Variants in SEMA3A observed in about 807,000 individuals in gnomAD.
SEMA3A encodes semaphorin-3A.
In SEMA3A, 29 loss-of-function variants were observed where a neutral mutation model predicts 97.9. The observed-to-expected ratio is 0.30, with a 90% CI of 0.22 to 0.40. The LOEUF (loss-of-function observed/expected upper bound fraction) is 0.40. Among genes scored for constraint, SEMA3A ranks in the 10% least tolerant of loss-of-function variants. The probability of loss-of-function intolerance (pLI) is 1.00; values close to 1 mark genes in which losing one functional copy is unlikely to be tolerated. For missense variants in SEMA3A, 763 were observed against 951.3 expected (o/e 0.80, Z 2.60); for synonymous variants, 321 against 323.7 (o/e 0.99, Z 0.09).
chr7:84,193,932 A>G (rs13231088), intron 1 of SEMA3A, among the ~76,000 whole-genome samples: 9,561 of 152,170 alleles, frequency 0.063, 347 homozygotes, highest in African/African-American at 0.092. Flanking sequence ...GCACTGTGGA[A>G]AAACTAGTCT....
chr7:84,089,473 A>G (rs1583946827), intron 4 of SEMA3A, among the ~76,000 whole-genome samples: 1 of 151,782 alleles, frequency 6.6e-6, no homozygotes, highest in East Asian at 1.9e-4. Context: ...AAGGAGTGTT[A>G]AAATTATTGA....
chr7:83,983,344 T>A (rs561106456), intron 13 of SEMA3A, among the ~76,000 whole-genome samples: 2 of 152,086 alleles, frequency 1.3e-5, no homozygotes, highest in Non-Finnish European at 2.9e-5. Context: ...TGTCAATCCA[T>A]ACATTGTGTT....
Position 84,258,838 on chromosome 7 carries a change from A to G in SEMA3A, c.-83+48369T>C, listed in dbSNP as rs567544715. 5.3e-5 allele frequency among the ~76,000 whole-genome samples: 8 copies of G among 152,216 alleles called. No homozygotes were observed. In the South Asian group the frequency reaches 1.7e-3, roughly 32 times the overall value. ...AAAACCTCATTCTTCTTTTTAAGGT[A>G]CTGCTATAGGAAACTTGTCTTATTC... On this transcript the variant is annotated intron_variant, in intron 3 of 3. Coordinates refer to the SEMA3A transcript ENST00000424555.
intron 6 of SEMA3A, among the ~76,000 whole-genome samples, chr7:84,018,848 C>A (rs1017728345): frequency 2.0e-5 from 3 of 152,098 alleles, no homozygotes; most frequent in African/African-American, 7.2e-5. Flanking sequence ...TGTTCTAGAC[C>A]TAGTAATGAC....
rs1794563157 is a variant in SEMA3A, at chr7:84,091,143, G to GA, written c.453+19326_453+19327insT. ...GAAAAAGAAAGAAAGAAAGAAGGAAGGAAGGAAGGAAGGAAGGAAGGAAGG... is the reference window on the plus strand; with the variant it reads ...GAAAAAGAAAGAAAGAAAGAAGGAAGAGAAGGAAGGAAGGAAGGAAGGAAGG... On this transcript the variant is annotated intron_variant, in intron 4 of 16. Transcript: ENST00000265362. Among the ~76,000 whole-genome samples the GA allele has an allele frequency of 9.9e-5, 2 of 20,152 alleles. 1 individual carries two copies. The highest frequency in any genetic ancestry group is 3.0e-3 in the South Asian group (2 of 660). The allele number at this position is 20,152 out of a possible 152,430, so 13.2% of individuals were successfully genotyped here. A position where few individuals can be genotyped will look rare whatever the true frequency, so the allele number is the denominator to read the frequency against.
intron 1 of SEMA3A, among the ~76,000 whole-genome samples, chr7:84,158,085 A>C (rs1206920667): frequency 6.6e-6 from 1 of 151,554 alleles, no homozygotes; most frequent in African/African-American, 2.4e-5. Flanking sequence ...GGAATCTTCC[A>C]ATCCTCTATA....
intron 4 of SEMA3A, 125 bp downstream of exon 4, chr7:84,110,345 T>C: frequency 6.0e-6 from 6 of 997,292 alleles, no homozygotes; most frequent in Non-Finnish European, 8.9e-6. Flanking sequence ...TAACAGCATC[T>C]GAGTTTGAAG....
intron 1 of SEMA3A, among the ~76,000 whole-genome samples, chr7:84,479,259 GGTTAA>G (rs755321473): frequency 2.2e-4 from 34 of 152,160 alleles, no homozygotes; most frequent in Admixed American, 5.2e-4. Context: ...AAGTGCTTAA[GGTTAA>G]GTGCTATATT....
chr7:83,985,531 ATTAGT>A (rs1789594565), intron 12 of SEMA3A, 54 bp from the exon 13 acceptor site: 11 of 1,414,850 alleles, frequency 7.8e-6, no homozygotes, highest in Non-Finnish European at 9.0e-6. Context: ...ACAGCCAGCT[ATTAGT>A]TAATTAACTC....
At chr7:84,361,557 T>C (rs1389615128) in intron 2 of SEMA3A, among the ~76,000 whole-genome samples, 2 of 151,900 alleles carry the variant, frequency 1.3e-5, no homozygotes, top group East Asian at 1.9e-4. Context: ...CAATATTCTA[T>C]TGAAAGAAAA....
chr7:84,347,464 T>A (rs1584254994), intron 2 of SEMA3A, among the ~76,000 whole-genome samples: 3 of 147,068 alleles, frequency 2.0e-5, no homozygotes, highest in East Asian at 4.1e-4. Context: ...CGGGCTGGAG[T>A]GCAATGGCGC....
chr7:84,341,292 T>C (rs1449331174), intron 2 of SEMA3A, among the ~76,000 whole-genome samples: 1 of 152,256 alleles, frequency 6.6e-6, no homozygotes, highest in African/African-American at 2.4e-5. Flanking sequence ...GCATTTCTTA[T>C]GTGTGAAATA....
chr7:84,470,780 G>C (rs958601640), intron 1 of SEMA3A, among the ~76,000 whole-genome samples: 1 of 151,880 alleles, frequency 6.6e-6, no homozygotes, highest in South Asian at 2.1e-4. Context: ...AAGAATAAAA[G>C]CTGGCCCAGC....
intron 2 of SEMA3A, among the ~76,000 whole-genome samples, chr7:84,318,329 T>G (rs867645419): frequency 0.026 from 3,687 of 143,176 alleles, 162 homozygotes; most frequent in African/African-American, 0.09. Context: ...TTTTTTTTTT[T>G]TTTTTTTTTT....
chr7:84,429,516 T>TTATATATATATATATATATATATATA lies in SEMA3A; in HGVS notation c.-245-57642_-245-57617dup, dbSNP rs10523978. On this transcript the variant is annotated intron_variant, in intron 1 of 3. Transcript: ENST00000424555. ...TTGCATTAGTAAAATATAGAGTTTG[T>TTATATATATATATATATATATATATA]TATATATATATATATATATATATAT... 1.6e-3 allele frequency among the ~76,000 whole-genome samples: 114 copies of TTATATATATATATATATATATATATA among 72,318 alleles called. 1 individual carries two copies. The highest frequency in any genetic ancestry group is 5.6e-3 in the East Asian group (11 of 1,964). 47.4% of individuals were successfully genotyped at this position (72,318 alleles called of 152,430 possible).
intron 1 of SEMA3A, among the ~76,000 whole-genome samples, chr7:84,450,538 G>T (rs544915758): frequency 6.6e-6 from 1 of 152,314 alleles, no homozygotes; most frequent in African/African-American, 2.4e-5. Flanking sequence ...GGCACATGTA[G>T]ACAAGACTCC....
chr7:84,247,520 A>G (rs1249503813), intron 3 of SEMA3A, among the ~76,000 whole-genome samples: 1 of 152,226 alleles, frequency 6.6e-6, no homozygotes, highest in African/African-American at 2.4e-5. Context: ...TAAAGAAAAT[A>G]AAACCTTTGG....
intron 2 of SEMA3A, among the ~76,000 whole-genome samples, chr7:84,347,607 TC>T (rs1194280078): frequency 2.0e-5 from 3 of 152,016 alleles, no homozygotes; most frequent in African/African-American, 7.3e-5. Context: ...AGATGGGATT[TC>T]ACCACATTGG....
At chr7:84,202,533 T>C (rs1337167128) in intron 3 of SEMA3A, among the ~76,000 whole-genome samples, 1 of 152,170 alleles carries the variant, frequency 6.6e-6, no homozygotes, top group Non-Finnish European at 1.5e-5. Flanking sequence ...TGTGGTAGTC[T>C]CTTTCTTGGG....
Sources: allele counts gnomAD v4.1 joint callset (sites outside exome capture counted in the v4.1 genomes callset), GRCh38; gene constraint gnomAD v4.1.1; transcripts MANE v1.5; gene names NCBI Gene and HGNC (gene_info 2026-07-23, HGNC 2026-07-21).